The following HPSE2 variants were observed in gnomAD, a reference collection of about 807,000 sequenced individuals.
HPSE2 encodes heparanase 2 (inactive).
In HPSE2, 38 loss-of-function variants were observed where a neutral mutation model predicts 60.5. That is an observed-to-expected ratio of 0.63 (90% CI 0.48 to 0.82). The LOEUF (loss-of-function observed/expected upper bound fraction) is 0.82, where lower values mean the gene tolerates loss of function less well. Among genes scored for constraint, HPSE2 ranks in the 40% least tolerant of loss-of-function variants. The probability of loss-of-function intolerance (pLI) is 0.00; values close to 1 mark genes in which losing one functional copy is unlikely to be tolerated. For synonymous variants in HPSE2, 295 were observed against 293.2 expected (o/e 1.01, Z -0.06); for missense variants, 713 against 740.4 (o/e 0.96, Z 0.43).
At chr10:98,505,972 T>G (rs749488420) in intron 9 of HPSE2, among the ~76,000 whole-genome samples, 11 of 152,200 alleles carry the variant, frequency 7.2e-5, no homozygotes, top group Admixed American at 2.0e-4. Flanking sequence ...AGAAATGGCT[T>G]TGTTAATCGT....
intron 3 of HPSE2, among the ~76,000 whole-genome samples, chr10:98,928,047 A>G (rs921120202): frequency 1.4e-5 from 2 of 145,460 alleles, no homozygotes; most frequent in African/African-American, 5.1e-5. Flanking sequence ...CAGAGTGAAC[A>G]GGCAACCTAC....
intron 3 of HPSE2, among the ~76,000 whole-genome samples, chr10:98,883,284 G>A (rs1953076681): frequency 1.3e-5 from 2 of 152,042 alleles, no homozygotes; most frequent in African/African-American, 4.8e-5. Context: ...GTGACCACAA[G>A]GCATGGGTGT....
At chr10:98,818,457 C>A (rs1045747064) in intron 3 of HPSE2, among the ~76,000 whole-genome samples, 1 of 152,154 alleles carries the variant, frequency 6.6e-6, no homozygotes, top group Non-Finnish European at 1.5e-5. Context: ...GAAGGCAGAG[C>A]TCAGGTAGTC....
the HPSE2 span, among the ~76,000 whole-genome samples, chr10:99,285,494 G>GGGAA: frequency 4.0e-5 from 5 of 124,974 alleles, no homozygotes; most frequent in Admixed American, 7.9e-5. Context: ...GAGGGAGGGA[G>GGGAA]GGAGGGAAAG....
At chr10:99,291,360 C>A in the HPSE2 span, among the ~76,000 whole-genome samples, 1 of 152,100 alleles carries the variant, frequency 6.6e-6, no homozygotes, top group South Asian at 2.1e-4. Context: ...CCAAGGCGGG[C>A]AGATCACGAG....
At chr10:98,575,369 A>C (rs1378799143) in intron 9 of HPSE2, among the ~76,000 whole-genome samples, 1 of 152,230 alleles carries the variant, frequency 6.6e-6, no homozygotes, top group Non-Finnish European at 1.5e-5. Flanking sequence ...GGTGGAAGAC[A>C]GCCAAGTTGG....
At chr10:98,994,302 C>T (rs1285303369) in intron 3 of HPSE2, among the ~76,000 whole-genome samples, 1 of 152,114 alleles carries the variant, frequency 6.6e-6, no homozygotes, top group Admixed American at 6.5e-5. Context: ...CATAGGAGGG[C>T]AGTGGGTATT....
chr10:98,585,824 C>G (rs1944923449), intron 9 of HPSE2, among the ~76,000 whole-genome samples: 1 of 151,204 alleles, frequency 6.6e-6, no homozygotes, highest in African/African-American at 2.4e-5. Context: ...TGATGGTGGG[C>G]ACCTGTGATC....
At chr10:98,724,813 C>CA (rs1949027203) in intron 4 of HPSE2, among the ~76,000 whole-genome samples, 1 of 151,992 alleles carries the variant, frequency 6.6e-6, no homozygotes, top group Non-Finnish European at 1.5e-5. Context: ...AATCAATGTG[C>CA]AAAAATCACA....
intron 9 of HPSE2, among the ~76,000 whole-genome samples, chr10:98,558,336 T>C (rs1410216613): frequency 6.6e-6 from 1 of 152,180 alleles, no homozygotes. Context: ...CAGCACTGTG[T>C]GTAATGGTTA....
At chr10:98,793,615 C>A (rs1414969) in intron 3 of HPSE2, among the ~76,000 whole-genome samples, 1 of 152,060 alleles carries the variant, frequency 6.6e-6, no homozygotes. Context: ...AAACAACATA[C>A]ATTAAGATAG....
intron 9 of HPSE2, among the ~76,000 whole-genome samples, chr10:98,576,234 T>C (rs1476147822): frequency 2.0e-5 from 3 of 151,640 alleles, no homozygotes; most frequent in Non-Finnish European, 4.4e-5. Context: ...AGGGAAACAA[T>C]AAAAATTCTG....
At chr10:98,639,759 C>T (rs917078451) in intron 7 of HPSE2, among the ~76,000 whole-genome samples, 1 of 152,188 alleles carries the variant, frequency 6.6e-6, no homozygotes, top group Middle Eastern at 3.2e-3. Flanking sequence ...ACACCTTTGT[C>T]TTAGTTCTAA....
intron 8 of HPSE2, 75 bp downstream of exon 8, chr10:98,620,527 T>C: frequency 9.4e-7 from 1 of 1,064,750 alleles, no homozygotes; most frequent in Admixed American, 1.8e-5. Context: ...ATGGGCAGAA[T>C]AATCAGCAAC....
intron 3 of HPSE2, among the ~76,000 whole-genome samples, chr10:98,900,699 T>C (rs182762685): frequency 6.6e-6 from 1 of 152,318 alleles, no homozygotes; most frequent in East Asian, 1.9e-4. Flanking sequence ...TGTAAAATAC[T>C]AAATATTGAT....
chr10:99,183,026 A>C (rs1248287303), intron 2 of HPSE2, among the ~76,000 whole-genome samples: 1 of 152,162 alleles, frequency 6.6e-6, no homozygotes, highest in Non-Finnish European at 1.5e-5. Context: ...AGATATAGGT[A>C]AACAGAAAGT....
intron 7 of HPSE2, among the ~76,000 whole-genome samples, chr10:98,634,532 G>A (rs1447114105): frequency 1.4e-5 from 2 of 141,582 alleles, no homozygotes; most frequent in Non-Finnish European, 3.0e-5. Context: ...TTGTTTGTTT[G>A]TTTTGCTCTT....
Position 98,720,237 on chromosome 10 carries a change from C to T in HPSE2, c.956+1420G>A, listed in dbSNP as rs12246852. Among the ~76,000 whole-genome samples the T allele has an allele frequency of 1.8e-3, 269 of 152,172 alleles. 1 individual carries two copies. The highest frequency in any genetic ancestry group is 6.0e-3 in the African/African-American group (249 of 41,520). ...AACAAAGGAAAAGACTGATCTAAAA[C>T]GGCTTCCATGTCTGGGTCTCAGGCA... On this transcript the variant is annotated intron_variant, in intron 5 of 11. Transcript: ENST00000370552.
intron 7 of HPSE2, among the ~76,000 whole-genome samples, chr10:98,638,114 G>A (rs934795900): frequency 2.1e-5 from 3 of 140,874 alleles, no homozygotes; most frequent in Admixed American, 1.5e-4. Flanking sequence ...ACTCCAACCT[G>A]GGTGACAAAG....
Sources: allele counts gnomAD v4.1 joint callset (sites outside exome capture counted in the v4.1 genomes callset), GRCh38; gene constraint gnomAD v4.1.1; transcripts MANE v1.5; gene names NCBI Gene and HGNC (gene_info 2026-07-23, HGNC 2026-07-21).